Variants in TSBP1 observed in about 807,000 individuals in gnomAD.
TSBP1 encodes testis-expressed basic protein 1.
In TSBP1, 56 loss-of-function variants were observed where a neutral mutation model predicts 68.8. The ratio of observed to expected loss-of-function variants is 0.81; its 90% CI spans 0.66 to 1.02. The LOEUF (loss-of-function observed/expected upper bound fraction) is 1.02. TSBP1 is among the 50% of genes least tolerant of loss of function. The pLI is 0.00. For missense variants in TSBP1, 502 were observed against 641.2 expected (o/e 0.78, Z 2.34); for synonymous variants, 171 against 208.7 (o/e 0.82, Z 1.56).
intron 10 of TSBP1, 92 bp downstream of exon 11, chr6:32,339,508 C>T (rs747791099): frequency 2.6e-6 from 2 of 768,812 alleles, no homozygotes; most frequent in Admixed American, 3.5e-5. Flanking sequence ...ACATGGTATG[C>T]ATGTATCAAA....
At chr6:32,294,803 G>A (rs2127555705) in intron 22 of TSBP1, among the ~76,000 whole-genome samples, 1 of 152,194 alleles carries the variant, frequency 6.6e-6, no homozygotes, top group African/African-American at 2.4e-5. Context: ...TAAATCAGCT[G>A]TTACGTCTCA....
Position 32,370,405 on chromosome 6 carries a change from C to CTGTG in TSBP1, c.14-423_14-422insCACA, listed in dbSNP as rs147644176. Among the ~76,000 whole-genome samples, 401 of 81,028 alleles carry CTGTG rather than the reference C, an allele frequency of 4.9e-3. 8 individuals are homozygous for CTGTG. Among genetic ancestry groups the CTGTG allele is most frequent in the Admixed American group, 9.4e-3 (75 of 7,986 alleles). 53.2% of individuals were successfully genotyped at this position (81,028 alleles called of 152,430 possible). On this transcript the variant is annotated intron_variant, in intron 1 of 22. Transcript: ENST00000612031. ...CATACCTTTAAAGTTGCAAGATTTT[C>CTGTG]TGTATATATATATATATATATATAT...
rs904516176 is a variant in TSBP1 at position 32,333,476 on chromosome 6, A to G, written c.473-1422T>C. ...TACGGGATCCCTGCAGGTAATGTGT[A>G]TGGGGTTCTTATAGGAGATTTTAGT... On this transcript the variant is annotated intron_variant, in intron 14 of 22. Transcript: ENST00000612031. This position sits in a 1 kb window ranked among gnomAD's most constrained non-coding sequence, Gnocchi z 4.2. Among the ~76,000 whole-genome samples, 1 of 152,166 alleles carries G rather than the reference A, an allele frequency of 6.6e-6. No individual in the cohort carries two copies. The highest frequency in any genetic ancestry group is 2.4e-5 in the African/African-American group (1 of 41,440).
intron 19 of TSBP1, among the ~76,000 whole-genome samples, chr6:32,308,587 G>A (rs1169383784): frequency 9.5e-6 from 1 of 104,784 alleles, no homozygotes; most frequent in Non-Finnish European, 1.9e-5. Flanking sequence ...GACAGAGCGA[G>A]ACTCCGTCTC....
chr6:32,299,898 G>C, intron 22 of TSBP1, 24 bp downstream of exon 25: 1 of 1,581,190 alleles, frequency 6.3e-7, no homozygotes, highest in Non-Finnish European at 8.7e-7. Flanking sequence ...AAATATCAGA[G>C]TTGAGAATAG....
rs4713520 is a variant in TSBP1 at position 32,294,563 on chromosome 6, A to G, written c.638-528T>C. Among the ~76,000 whole-genome samples the G allele has an allele frequency of 6.7e-3, 1,018 of 152,306 alleles. 18 individuals carry two copies. The highest frequency in any genetic ancestry group is 0.02 in the East Asian group (103 of 5,190). ...CACTTTATGTATTAAATCATTTGAT[A>G]CTCACAACAACCAGGTAGGGTATTA... is the stretch of plus-strand genomic sequence containing the variant. On this transcript the variant is annotated intron_variant, in intron 22 of 22. Coordinates refer to ENST00000612031, the Ensembl canonical transcript of TSBP1.
exon 2 of TSBP1, chr6:32,369,938 A>C: frequency 6.2e-7 from 1 of 1,612,462 alleles, no homozygotes; most frequent in South Asian, 1.1e-5. Flanking sequence ...CAAAATAGCC[A>C]GGATGGCAAG....
At chr6:32,339,072 T>C in intron 10 of TSBP1, 73 bp from the exon 12 acceptor site, 1 of 1,225,104 alleles carries the variant, frequency 8.2e-7, no homozygotes, top group Non-Finnish European at 1.2e-6. Context: ...GAGTTTCAGA[T>C]CAAGCATTTA....
At chr6:32,296,481 G>T (rs1764739203) in intron 22 of TSBP1, among the ~76,000 whole-genome samples, 1 of 152,100 alleles carries the variant, frequency 6.6e-6, no homozygotes, top group Non-Finnish European at 1.5e-5. Flanking sequence ...TCAATTTTCA[G>T]TTTCCTAATG....
At chr6:32,367,243 A>G (rs1400628488) in intron 4 of TSBP1, among the ~76,000 whole-genome samples, 2 of 130,730 alleles carry the variant, frequency 1.5e-5, no homozygotes, top group African/African-American at 3.0e-5. Context: ...GAGGGAAGGA[A>G]AGAGAGAGAG....
intron 22 of TSBP1, 61 bp downstream of exon 25, chr6:32,299,861 G>A (rs1765105316): frequency 7.3e-7 from 1 of 1,366,638 alleles, no homozygotes; most frequent in Non-Finnish European, 1.0e-6. Context: ...GAAACAGACA[G>A]GTCACAAAAG....
At position 32,316,650 on chromosome 6, in the gene TSBP1, T is replaced by C. The variant is rs1165429300; in HGVS notation, c.560-858A>G. On this transcript the variant is annotated intron_variant, in intron 18 of 22. Coordinates refer to ENST00000612031, the Ensembl canonical transcript of TSBP1. The surrounding 1 kb of genome is among the most constrained non-coding windows in gnomAD (Gnocchi z 4.5). ...ATTCTAAGGATTAAATGGGATAATG[T>C]AATTAAAGCACCTATATAATTCTAT... Among the ~76,000 whole-genome samples the C allele has an allele frequency of 6.6e-6, 1 of 152,172 alleles. No homozygotes were observed. The highest frequency in any genetic ancestry group is 6.5e-5 in the Admixed American group (1 of 15,280).
chr6:32,331,329 G>T, intron 15 of TSBP1, among the ~76,000 whole-genome samples: 1 of 152,006 alleles, frequency 6.6e-6, no homozygotes. Context: ...TTATTCTAAT[G>T]ATTACTGACA....
intron 19 of TSBP1, among the ~76,000 whole-genome samples, chr6:32,307,832 A>G (rs559076309): frequency 1.2e-3 from 180 of 151,056 alleles, no homozygotes; most frequent in African/African-American, 3.8e-3. Flanking sequence ...CTGGAGTGCA[A>G]TGGTGCAATC....
chr6:32,313,585 T>C (rs1766638158), intron 19 of TSBP1, among the ~76,000 whole-genome samples: 1 of 152,050 alleles, frequency 6.6e-6, no homozygotes, highest in Admixed American at 6.6e-5. Context: ...ATCACTCATA[T>C]GGTGCTGGAT....
At chr6:32,369,848 C>A in intron 2 of TSBP1, 49 bp downstream of exon 2, 1 of 1,121,178 alleles carries the variant, frequency 8.9e-7, no homozygotes, top group South Asian at 1.2e-5. Flanking sequence ...GGCATCCCTC[C>A]CTCCGTGGTT....
intron 16 of TSBP1, among the ~76,000 whole-genome samples, chr6:32,327,742 C>T (rs1372849680): frequency 8.7e-5 from 13 of 149,880 alleles, no homozygotes; most frequent in African/African-American, 3.2e-4. Context: ...CAACCTCTGC[C>T]TCCCAGGTTC....
intron 9 of TSBP1, among the ~76,000 whole-genome samples, chr6:32,339,845 T>C (rs1770140199): frequency 6.6e-6 from 1 of 152,212 alleles, no homozygotes; most frequent in Admixed American, 6.5e-5. Context: ...TCCTCATCTC[T>C]AAAACAGAAG....
intron 10 of TSBP1, among the ~76,000 whole-genome samples, chr6:32,339,230 G>GT (rs9281741): frequency 1.1e-4 from 1 of 9,232 alleles, no homozygotes; most frequent in Admixed American, 1.0e-3. Context: ...TCCTTCTAAA[G>GT]TTATAGATAA....
Sources: gnomAD v4.1 joint callset for allele counts (sites outside exome capture counted in the v4.1 genomes callset) on GRCh38, gnomAD v4.1.1 for gene constraint, Gnocchi (gnomAD v3.1) non-coding constraint, MANE v1.5 for transcripts, NCBI Gene and HGNC (gene_info 2026-07-23, HGNC 2026-07-21) for gene names.